AK8: variants seen among roughly 807,000 people sequenced by gnomAD.
AK8 encodes the protein ATP-AMP transphosphorylase 8.
In AK8, 44 loss-of-function variants were observed where a neutral mutation model predicts 54.6. The ratio of observed to expected loss-of-function variants is 0.81; its 90% CI spans 0.63 to 1.04. The LOEUF is 1.04. Ranked by LOEUF, AK8 falls within the 50% of genes least tolerant of loss-of-function variation. AK8 has a pLI of 0.00. For synonymous variants in AK8, 239 were observed against 245.6 expected (o/e 0.97, Z 0.25); for missense variants, 555 against 613.6 (o/e 0.90, Z 1.01).
chr9:132,756,826 A>T (rs183075964), intron 11 of AK8, among the ~76,000 whole-genome samples: 1 of 151,752 alleles, frequency 6.6e-6, no homozygotes, highest in East Asian at 1.9e-4. Context: ...AAAACGACTC[A>T]CTCAAGGTCA....
At chr9:132,839,367 A>G (rs1352043672) in intron 5 of AK8, among the ~76,000 whole-genome samples, 1 of 152,158 alleles carries the variant, frequency 6.6e-6, no homozygotes, top group Non-Finnish European at 1.5e-5. Context: ...TCAATGAGTC[A>G]TGGGGCAAAG....
intron 5 of AK8, among the ~76,000 whole-genome samples, chr9:132,847,233 G>A (rs541108154): frequency 4.1e-4 from 62 of 152,360 alleles, no homozygotes; most frequent in African/African-American, 1.5e-3. Context: ...ATCTTCAAAG[G>A]AAATCTGAAA....
At chr9:132,798,672 A>G (rs1157363002) in intron 10 of AK8, among the ~76,000 whole-genome samples, 4 of 150,898 alleles carry the variant, frequency 2.7e-5, no homozygotes, top group African/African-American at 9.7e-5. Flanking sequence ...ATAAGGCCAC[A>G]CCACATGGTT....
At chr9:132,847,391 G>A (rs776704746) in intron 5 of AK8, among the ~76,000 whole-genome samples, 33 of 152,196 alleles carry the variant, frequency 2.2e-4, no homozygotes, top group African/African-American at 7.7e-4. Context: ...TTTTAGGTGC[G>A]TGTTATTCCT....
chr9:132,784,311 G>A (rs1253363149), intron 11 of AK8, among the ~76,000 whole-genome samples: 1 of 152,172 alleles, frequency 6.6e-6, no homozygotes, highest in Non-Finnish European at 1.5e-5. Context: ...CTGAGGTCAG[G>A]AGTTCAAGAC....
chr9:132,761,490 T>C (rs1370912655), intron 11 of AK8, among the ~76,000 whole-genome samples: 2 of 152,182 alleles, frequency 1.3e-5, no homozygotes, highest in African/African-American at 4.8e-5. Flanking sequence ...CTCAAACTCC[T>C]GGCTTCACGT....
At chr9:132,809,243 G>A (rs1840878041) in intron 10 of AK8, among the ~76,000 whole-genome samples, 1 of 152,128 alleles carries the variant, frequency 6.6e-6, no homozygotes, top group East Asian at 1.9e-4. Flanking sequence ...AAGGTATATG[G>A]GAGAGCACCA....
chr9:132,850,897 T>TAAAAAAAA (rs34133877), intron 5 of AK8, among the ~76,000 whole-genome samples: 1 of 135,330 alleles, frequency 7.4e-6, no homozygotes. Flanking sequence ...TAGGTGCATT[T>TAAAAAAAA]AAAAAAAAAA....
Position 132,878,226 on chromosome 9 carries a change from G to T in AK8, c.30C>A (p.Ile10=), listed in dbSNP as rs762566734. Residue 10 remains isoleucine (I), a synonymous_variant, in exon 1 of 13, where the codon ATC becomes ATA. Transcript: ENST00000298545. This position sits in a 1 kb window ranked among gnomAD's most constrained non-coding sequence, Gnocchi z 4.7. ...CCCCGTACTGGGGCATCTCGGGGGG[G>T]ATACGGTGCGGGGCGATAGTGGCGT... The part of the protein sequence containing the change: MDATIAPHR[I]PPEMPQYGEE... The T allele has an allele frequency of 3.4e-6, 5 of 1,456,506 alleles. No homozygotes were observed. Among genetic ancestry groups the T allele is most frequent in the Non-Finnish European group, 4.5e-6 (5 of 1,100,998 alleles). The allele number at this position is 1,456,506 out of a possible 1,614,324, so 90.2% of individuals were successfully genotyped here.
At chr9:132,789,050 CT>C (rs1243040855) in intron 11 of AK8, among the ~76,000 whole-genome samples, 1 of 152,184 alleles carries the variant, frequency 6.6e-6, no homozygotes, top group African/African-American at 2.4e-5. Context: ...AATCCCAGCA[CT>C]TTGGGAGGCC....
intron 11 of AK8, among the ~76,000 whole-genome samples, chr9:132,772,390 A>G (rs1474140490): frequency 6.6e-6 from 1 of 152,218 alleles, no homozygotes; most frequent in Non-Finnish European, 1.5e-5. Context: ...TTAAGTTAAA[A>G]GGGCCCTAAA....
chr9:132,828,539 C>CT, intron 6 of AK8, 106 bp downstream of exon 6: 1 of 936,154 alleles, frequency 1.1e-6, no homozygotes, highest in East Asian at 2.7e-5. Flanking sequence ...GGGTCTCAGA[C>CT]GGTGCCTGGG....
chr9:132,752,186 A>G (rs1411427115), intron 11 of AK8, among the ~76,000 whole-genome samples: 1 of 151,112 alleles, frequency 6.6e-6, no homozygotes, highest in Non-Finnish European at 1.5e-5. Flanking sequence ...ATAGACATAC[A>G]CCCAAATGTC....
intron 5 of AK8, among the ~76,000 whole-genome samples, chr9:132,844,712 C>T (rs1396312383): frequency 6.6e-6 from 1 of 152,156 alleles, no homozygotes; most frequent in Non-Finnish European, 1.5e-5. Context: ...GTAACAACAG[C>T]GTGGACATGA....
At chr9:132,793,699 G>C in intron 10 of AK8, among the ~76,000 whole-genome samples, 1 of 152,196 alleles carries the variant, frequency 6.6e-6, no homozygotes. Flanking sequence ...AAATTCATAC[G>C]TCTCTTCCCA....
intron 11 of AK8, among the ~76,000 whole-genome samples, chr9:132,740,316 C>T (rs1837312582): frequency 6.6e-6 from 1 of 152,218 alleles, no homozygotes; most frequent in Non-Finnish European, 1.5e-5. Flanking sequence ...GCTTACTTTT[C>T]ACATCAGCAA....
chr9:132,780,902 G>A (rs1314459984), intron 11 of AK8, among the ~76,000 whole-genome samples: 2 of 152,078 alleles, frequency 1.3e-5, no homozygotes, highest in Admixed American at 1.3e-4. Flanking sequence ...AAGACCTTGT[G>A]GGGGAGGGTT....
intron 11 of AK8, among the ~76,000 whole-genome samples, chr9:132,735,456 C>T (rs1837057840): frequency 6.6e-6 from 1 of 152,100 alleles, no homozygotes; most frequent in Non-Finnish European, 1.5e-5. Flanking sequence ...TTGATCTTAA[C>T]CAATAAGCCT....
intron 11 of AK8, among the ~76,000 whole-genome samples, chr9:132,742,853 G>T (rs942054082): frequency 2.6e-5 from 4 of 152,216 alleles, no homozygotes; most frequent in African/African-American, 4.8e-5. Flanking sequence ...AGAGGCGGGG[G>T]TGTCATTAGA....
Sources: gnomAD v4.1 joint callset for allele counts (sites outside exome capture counted in the v4.1 genomes callset) on GRCh38, gnomAD v4.1.1 for gene constraint, Gnocchi (gnomAD v3.1) non-coding constraint, MANE v1.5 for transcripts, NCBI Gene and HGNC (gene_info 2026-07-23, HGNC 2026-07-21) for gene names.